Variants in CAST observed in about 807,000 individuals in gnomAD.
The protein encoded by CAST is calpastatin.
CAST carries 76 observed loss-of-function variants against 119.6 expected under a neutral mutation model. That is an observed-to-expected ratio of 0.64 (90% CI 0.53 to 0.77). The LOEUF is 0.77. CAST is among the 30% of genes least tolerant of loss of function. The pLI is 0.00. For synonymous variants in CAST, 319 were observed against 331.6 expected, an observed-to-expected ratio of 0.96 and a Z score of 0.41; for missense variants, 953 against 946.5, an observed-to-expected ratio of 1.01 and a Z score of -0.09.
the CAST span, chr5:96,079,073 C>A: frequency 2.5e-6 from 1 of 404,340 alleles, no homozygotes; most frequent in African/African-American, 3.2e-5. Flanking sequence ...TGTATATGTA[C>A]CCATGCACTT....
At chr5:95,969,955 C>A in the CAST span, among the ~76,000 whole-genome samples, 3 of 152,100 alleles carry the variant, frequency 2.0e-5, no homozygotes, top group African/African-American at 4.8e-5. Flanking sequence ...AAATTTCATG[C>A]CCACTCTAAT....
At chr5:96,295,562 C>T in the CAST span, among the ~76,000 whole-genome samples, 14 of 152,188 alleles carry the variant, frequency 9.2e-5, no homozygotes, top group African/African-American at 3.4e-4. Flanking sequence ...CAAATCTTTA[C>T]TAACTTAGTC....
At chr5:96,548,102 G>A (rs1459633359) in intron 1 of CAST, among the ~76,000 whole-genome samples, 1 of 150,828 alleles carries the variant, frequency 6.6e-6, no homozygotes, top group East Asian at 1.9e-4. Flanking sequence ...AGACAATTCA[G>A]AGTGAGTATC....
intron 1 of CAST, among the ~76,000 whole-genome samples, chr5:96,591,086 T>C (rs1746954453): frequency 6.6e-6 from 1 of 152,220 alleles, no homozygotes; most frequent in East Asian, 1.9e-4. Context: ...AGTGCTCCTC[T>C]CTTCCCTTAC....
Position 96,548,305 on chromosome 5 carries a change from G to A in CAST, c.60+18425G>A, listed in dbSNP as rs190484041. On this transcript the variant is annotated intron_variant, in intron 1 of 11. Transcript: ENST00000505143. Reference sequence around the variant, plus strand: ...ATTGACTTAGATCTGAAAACTGAGTGGAGGCTATGATTCTCCACTGTGGTA... The same window carrying A: ...ATTGACTTAGATCTGAAAACTGAGTAGAGGCTATGATTCTCCACTGTGGTA... 2.9e-3 allele frequency among the ~76,000 whole-genome samples: 445 copies of A among 152,288 alleles called. 2 individuals are homozygous for A. In the Middle Eastern group the frequency reaches 0.044, roughly 15 times the overall value.
chr5:96,470,877 T>C, the CAST span, among the ~76,000 whole-genome samples: 1 of 152,234 alleles, frequency 6.6e-6, no homozygotes, highest in East Asian at 1.9e-4. Flanking sequence ...TATTTTTAAG[T>C]ACTATAGCTA....
chr5:96,103,355 C>G, the CAST span, among the ~76,000 whole-genome samples: 40 of 122,582 alleles, frequency 3.3e-4, no homozygotes, highest in African/African-American at 1.2e-3. Flanking sequence ...CCCCCTCCCC[C>G]CACCCCACAA....
At chr5:96,221,459 C>A in the CAST span, among the ~76,000 whole-genome samples, 10 of 152,058 alleles carry the variant, frequency 6.6e-5, no homozygotes, top group African/African-American at 2.4e-4. Flanking sequence ...TTTATATACA[C>A]CAATAATGAA....
intron 6 of CAST, chr5:96,728,886 C>G (rs1219394794): frequency 2.6e-6 from 1 of 379,118 alleles, no homozygotes; most frequent in Non-Finnish European, 4.8e-6. Flanking sequence ...TAGAGACATA[C>G]GTGTATTTGA....
the CAST span, among the ~76,000 whole-genome samples, chr5:96,228,896 A>C: frequency 6.6e-6 from 1 of 152,218 alleles, no homozygotes; most frequent in Admixed American, 6.5e-5. Context: ...ATAATATCTC[A>C]GAATATATGA....
chr5:96,105,194 G>A, the CAST span, among the ~76,000 whole-genome samples: 5 of 151,270 alleles, frequency 3.3e-5, no homozygotes, highest in Non-Finnish European at 5.9e-5. Flanking sequence ...GGGACAATTT[G>A]ACTTCCTCTT....
chr5:96,084,504 C>T, the CAST span, among the ~76,000 whole-genome samples: 1,070 of 152,276 alleles, frequency 7.0e-3, 4 homozygotes, highest in Non-Finnish European at 0.01. Context: ...TAAATCAGAT[C>T]GTATTTTAAT....
the CAST span, among the ~76,000 whole-genome samples, chr5:96,425,166 CTT>C: frequency 6.6e-6 from 1 of 152,128 alleles, no homozygotes; most frequent in African/African-American, 2.4e-5. Context: ...GAGAAATAAT[CTT>C]TTATAAAATT....
the CAST span, among the ~76,000 whole-genome samples, chr5:95,965,941 A>T: frequency 6.6e-6 from 1 of 152,178 alleles, no homozygotes; most frequent in Non-Finnish European, 1.5e-5. Flanking sequence ...TATTATTATC[A>T]TCATCATCAT....
chr5:96,686,895 A>G (rs1288423466), intron 2 of CAST, among the ~76,000 whole-genome samples: 1 of 152,140 alleles, frequency 6.6e-6, no homozygotes, highest in Non-Finnish European at 1.5e-5. Context: ...GGGAGAAATT[A>G]TAGGGGTGGC....
At chr5:96,530,250 A>G (rs1745668079) in intron 1 of CAST, among the ~76,000 whole-genome samples, 1 of 152,082 alleles carries the variant, frequency 6.6e-6, no homozygotes, top group Non-Finnish European at 1.5e-5. Context: ...TTGTAAATGG[A>G]GAAGGAGGTG....
chr5:96,187,091 T>A, the CAST span, among the ~76,000 whole-genome samples: 1 of 152,214 alleles, frequency 6.6e-6, no homozygotes, highest in Non-Finnish European at 1.5e-5. Flanking sequence ...GCTGTATGTG[T>A]CCAGGAGTTT....
chr5:96,106,690 G>A, the CAST span, among the ~76,000 whole-genome samples: 4,153 of 151,650 alleles, frequency 0.027, 176 homozygotes, highest in African/African-American at 0.095. Context: ...TGAAAAAAAT[G>A]TATATTCTAT....
chr5:96,771,567 C>T (rs1772328646), intron 30 of CAST, 77 bp from the exon 31 acceptor site: 1 of 1,081,658 alleles, frequency 9.2e-7, no homozygotes, highest in African/African-American at 1.6e-5. Flanking sequence ...TCTTTTGTCC[C>T]CTAATTCTGA....
Sources: allele counts gnomAD v4.1 joint callset (sites outside exome capture counted in the v4.1 genomes callset), GRCh38; gene constraint gnomAD v4.1.1; transcripts MANE v1.5; gene names NCBI Gene and HGNC (gene_info 2026-07-23, HGNC 2026-07-21).